Variants in ZHX3 observed in about 807,000 individuals in gnomAD.
ZHX3 encodes zinc fingers and homeoboxes protein 3.
A neutral mutation model predicts 64.5 loss-of-function variants in ZHX3; 20 were observed. The observed-to-expected ratio is 0.31, with a 90% CI of 0.22 to 0.45. The LOEUF (loss-of-function observed/expected upper bound fraction) is 0.45. Ranked by LOEUF, ZHX3 falls within the 20% of genes least tolerant of loss-of-function variation. The pLI is 1.00. For synonymous variants in ZHX3, 423 were observed against 461.6 expected (o/e 0.92, Z 1.07); for missense variants, 1,041 against 1,195.8 (o/e 0.87, Z 1.91).
rs192142555 is a variant in ZHX3 at position 41,219,181 on chromosome 20, C to T, written c.-150-14115G>A. Among the ~76,000 whole-genome samples the T allele has an allele frequency of 3.7e-4, 56 of 152,084 alleles. No individual in the cohort carries two copies. The highest frequency in any genetic ancestry group is 3.0e-3 in the Admixed American group (46 of 15,272). On this transcript the variant is annotated intron_variant, in intron 2 of 3. Transcript: ENST00000683867. This position sits in a 1 kb window ranked among gnomAD's most constrained non-coding sequence, Gnocchi z 5.0. ...CCTGACCTCGTGATCCACACGCCTC[C>T]GCCTCCCAAAGTGCTGGGATTACAA...
rs1300946231 is a variant in ZHX3 at position 41,228,612 on chromosome 20, T to G, written c.-150-23546A>C. 1.3e-5 allele frequency among the ~76,000 whole-genome samples: 2 copies of G among 152,098 alleles called. No homozygotes were observed. The highest frequency in any genetic ancestry group is 1.5e-5 in the Non-Finnish European group (1 of 68,008). On this transcript the variant is annotated intron_variant, in intron 2 of 3. Coordinates refer to ENST00000683867, the MANE Select transcript of ZHX3 (RefSeq NM_001384317.1). The surrounding 1 kb of genome is among the most constrained non-coding windows in gnomAD (Gnocchi z 4.6). ...GGACCAGGGAGTGTCTGGGGTCTCT[T>G]TTATAAGGCCACTAGTTCCATTCAT...
chr20:41,245,957 A>G (rs1479249318), intron 2 of ZHX3, among the ~76,000 whole-genome samples: 1 of 152,264 alleles, frequency 6.6e-6, no homozygotes, highest in Non-Finnish European at 1.5e-5. Flanking sequence ...ACAGCCTTCA[A>G]TGCTGGAACC....
chr20:41,313,559 A>G (rs1348205710), intron 1 of ZHX3, among the ~76,000 whole-genome samples: 4 of 151,890 alleles, frequency 2.6e-5, no homozygotes, highest in South Asian at 4.2e-4. Flanking sequence ...CTGTGGAACA[A>G]GTAAAAATAA....
chr20:41,202,986 C>A lies in ZHX3; in HGVS notation c.1931G>T (p.Arg644Leu), dbSNP rs753810896. Reference sequence around the variant, plus strand: ...GGTCATTTTGGTTTCACTTCTCAGGCGGTCCAGTTCCTCATCAAGAGGAAG... The same window carrying A: ...GGTCATTTTGGTTTCACTTCTCAGGAGGTCCAGTTCCTCATCAAGAGGAAG... Reference protein sequence around the residue: ...NPLPLDEELDRLRSETKMTRR... With the variant: ...NPLPLDEELDLLRSETKMTRR... The change falls in exon 3 of 4, where the codon CGC (arginine) becomes CTC (leucine). Residue 644 changes from arginine (R) to leucine (L), a missense_variant. By Grantham distance (102) the Arg-to-Leu change is moderately radical (BLOSUM62 -2). This residue lies in a region of ZHX3 where 649 missense variants were observed against 739.8 expected (regional missense o/e 0.88). Transcript: ENST00000683867. This position sits in a 1 kb window ranked among gnomAD's most constrained non-coding sequence, Gnocchi z 7.0. 4.3e-6 allele frequency: 7 copies of A among 1,614,006 alleles called. 1 individual carries two copies. The highest frequency in any genetic ancestry group is 1.1e-5 in the South Asian group (1 of 91,078).
chr20:41,199,255 AATT>A (rs2038018158), intron 3 of ZHX3, among the ~76,000 whole-genome samples: 1 of 152,144 alleles, frequency 6.6e-6, no homozygotes, highest in Non-Finnish European at 1.5e-5. Context: ...GGTGCCTGTC[AATT>A]TTTTTTCCTG....
chr20:41,202,283 C>T lies in ZHX3; in HGVS notation c.2634G>A (p.Gln878=). ...TTTTCTCAGCAAACCACTGCTTGAC[C>T]TGCTGGGAGCTCATCTGGGTCTTGT... The part of the protein sequence containing the change: ...LCDKTQMSSQ[Q]VKQWFAEKMG... Residue 878 remains glutamine (Q), a synonymous_variant, in exon 3 of 4, where the codon CAG becomes CAA. Coordinates refer to ENST00000683867, the MANE Select transcript of ZHX3 (RefSeq NM_001384317.1). The surrounding 1 kb of genome is among the most constrained non-coding windows in gnomAD (Gnocchi z 7.0). 1 of 1,614,174 alleles carries T rather than the reference C, an allele frequency of 6.2e-7. No individual in the cohort carries two copies. Among genetic ancestry groups the T allele is most frequent in the Non-Finnish European group, 8.5e-7 (1 of 1,180,016 alleles).
intron 2 of ZHX3, among the ~76,000 whole-genome samples, chr20:41,235,953 C>G (rs1304959857): frequency 6.6e-6 from 1 of 152,172 alleles, no homozygotes; most frequent in Non-Finnish European, 1.5e-5. Flanking sequence ...GTGCAAAAAT[C>G]ACAAGCATTC....
intron 1 of ZHX3, among the ~76,000 whole-genome samples, chr20:41,288,268 C>T (rs2044039202): frequency 6.6e-6 from 1 of 151,688 alleles, no homozygotes; most frequent in African/African-American, 2.4e-5. Context: ...AATCCACCCA[C>T]CTTGGCATCC....
At position 41,212,243 on chromosome 20, in the gene ZHX3, A is replaced by G. The variant is rs532377977; in HGVS notation, c.-150-7177T>C. ...AAGGATTTGAATAGACACTTCTCCA[A>G]AGAAGATATACAAATGGCCAGTAAA... On this transcript the variant is annotated intron_variant, in intron 2 of 3. Transcript: ENST00000683867. The surrounding 1 kb of genome is among the most constrained non-coding windows in gnomAD (Gnocchi z 4.3). 7.2e-5 allele frequency among the ~76,000 whole-genome samples: 11 copies of G among 152,320 alleles called. No homozygotes were observed. The highest frequency in any genetic ancestry group is 2.4e-4 in the African/African-American group (10 of 41,578).
rs1186552605 is a variant in ZHX3, at chr20:41,184,848, T to C, written c.*343A>G. On this transcript the variant is annotated 3_prime_UTR_variant, in exon 4 of 4. Transcript: ENST00000683867. ...ACAGTGTTGATAATCTGATGTTTTA[T>C]TTAACATATAGAGGTGGATGTATAT... 1.0e-5 allele frequency: 15 copies of C among 1,445,224 alleles called. No individual in the cohort carries two copies. Among genetic ancestry groups the C allele is most frequent in the Admixed American group, 4.8e-5 (2 of 41,262 alleles). The allele number at this position is 1,445,224 out of a possible 1,614,324, so 89.5% of individuals were successfully genotyped here. A position where few individuals can be genotyped will look rare whatever the true frequency, so the allele number is the denominator to read the frequency against.
At chr20:41,279,385 T>C (rs1230998059) in intron 1 of ZHX3, among the ~76,000 whole-genome samples, 1 of 152,118 alleles carries the variant, frequency 6.6e-6, no homozygotes, top group East Asian at 1.9e-4. Context: ...ATTTGATACA[T>C]GAAAAACAGT....
In ZHX3 at chr20:41,195,189, G is replaced by A. The variant is rs1052200864; in HGVS notation, c.2860+6868C>T. On this transcript the variant is annotated intron_variant, in intron 3 of 3. Transcript: ENST00000683867. This position sits in a 1 kb window ranked among gnomAD's most constrained non-coding sequence, Gnocchi z 4.2. Reference sequence around the variant, plus strand: ...GCTGGAATGCAGTGGTGCAAGTATAGCTCACTATAACCTCAAACTCCTGGT... The same window carrying A: ...GCTGGAATGCAGTGGTGCAAGTATAACTCACTATAACCTCAAACTCCTGGT... Among the ~76,000 whole-genome samples, 1 of 152,124 alleles carries A rather than the reference G, an allele frequency of 6.6e-6. No individual in the cohort carries two copies. The highest frequency in any genetic ancestry group is 1.5e-5 in the Non-Finnish European group (1 of 68,028).
At chr20:41,250,939 G>T (rs1317316885) in intron 2 of ZHX3, among the ~76,000 whole-genome samples, 1 of 152,128 alleles carries the variant, frequency 6.6e-6, no homozygotes, top group Non-Finnish European at 1.5e-5. Context: ...TTGAGGTTAG[G>T]AGTTTGAGAC....
chr20:41,309,314 C>T lies in ZHX3; in HGVS notation c.-245+8195G>A, dbSNP rs80265658. Among the ~76,000 whole-genome samples, 401 of 152,276 alleles carry T rather than the reference C, an allele frequency of 2.6e-3. 3 individuals are homozygous for T. Among genetic ancestry groups the T allele is most frequent in the African/African-American group, 9.3e-3 (385 of 41,548 alleles). On this transcript the variant is annotated intron_variant, in intron 1 of 3. Transcript: ENST00000683867. ...ACCCAGGCAATAGGCTTCCAGATGCCATGTTCTTAATCACTACAGCTGCAT... is the reference window on the plus strand; with the variant it reads ...ACCCAGGCAATAGGCTTCCAGATGCTATGTTCTTAATCACTACAGCTGCAT...
intron 2 of ZHX3, among the ~76,000 whole-genome samples, chr20:41,209,236 A>C (rs974868808): frequency 2.6e-5 from 4 of 152,220 alleles, no homozygotes; most frequent in African/African-American, 9.7e-5. Context: ...GATAGGAAGA[A>C]TCAATATTGT....
At chr20:41,292,960 C>T (rs539484731) in intron 1 of ZHX3, among the ~76,000 whole-genome samples, 1 of 152,202 alleles carries the variant, frequency 6.6e-6, no homozygotes, top group Non-Finnish European at 1.5e-5. Context: ...CAGAGGTGTG[C>T]CACCATTTGG....
At chr20:41,248,779 C>T (rs957496989) in intron 2 of ZHX3, among the ~76,000 whole-genome samples, 1 of 152,190 alleles carries the variant, frequency 6.6e-6, no homozygotes, top group Non-Finnish European at 1.5e-5. Flanking sequence ...TTTTTCTGTT[C>T]ACTGAACTGG....
At chr20:41,217,983 GTGTTT>G (rs984632419) in intron 2 of ZHX3, among the ~76,000 whole-genome samples, 2 of 152,130 alleles carry the variant, frequency 1.3e-5, no homozygotes, top group Non-Finnish European at 2.9e-5. Context: ...AACTATTCTA[GTGTTT>G]TGTTTTGTTC....
intron 1 of ZHX3, among the ~76,000 whole-genome samples, chr20:41,311,296 CT>C (rs1600680971): frequency 6.6e-6 from 1 of 152,058 alleles, no homozygotes; most frequent in Non-Finnish European, 1.5e-5. Context: ...TATAATTCTG[CT>C]CCTCAAAAGA....
Sources: gnomAD v4.1 joint callset for allele counts (sites outside exome capture counted in the v4.1 genomes callset) on GRCh38, gnomAD v4.1.1 for gene constraint, gnomAD v4.1.1 regional missense constraint, Gnocchi (gnomAD v3.1) non-coding constraint, MANE v1.5 for transcripts, NCBI Gene and HGNC (gene_info 2026-07-23, HGNC 2026-07-21) for gene names.